The following YWHAZ variants were observed in gnomAD, a reference collection of about 807,000 sequenced individuals.
YWHAZ encodes the protein 14-3-3 protein zeta/delta.
For missense variants in YWHAZ, 79 were observed against 284.8 expected, an observed-to-expected ratio of 0.28 and a Z score of 5.20; for synonymous variants, 87 against 103.6, an observed-to-expected ratio of 0.84 and a Z score of 0.97.
At chr8:100,950,700 G>A in intron 1 of YWHAZ, 1 of 671,590 alleles carries the variant, frequency 1.5e-6, no homozygotes, top group Non-Finnish European at 1.8e-6. Flanking sequence ...CCGACCCCGG[G>A]GCAGAGACGC....
chr8:100,939,563 G>C (rs1814467997), intron 2 of YWHAZ, among the ~76,000 whole-genome samples: 2 of 152,034 alleles, frequency 1.3e-5, no homozygotes, highest in Non-Finnish European at 2.9e-5. Flanking sequence ...GGAGGCCGAG[G>C]CAGGAGAATC....
At position 100,948,502 on chromosome 8, in the gene YWHAZ, G is replaced by A. The variant is rs1272989103; in HGVS notation, c.294+94C>T. ...AATTTGGAACACACAATGTTTAGAA[G>A]GAAAAGAAAAACCAAACAAAAAGTT... On this transcript the variant is annotated intron_variant, in intron 2 of 5. Coordinates refer to ENST00000395958, the MANE Select transcript of YWHAZ (RefSeq NM_145690.3). This position sits in a 1 kb window ranked among gnomAD's most constrained non-coding sequence, Gnocchi z 4.2. 2.2e-6 allele frequency: 3 copies of A among 1,377,304 alleles called. No individual in the cohort carries two copies. In the African/African-American group the frequency reaches 4.3e-5, roughly 20 times the overall value. 85.3% of individuals were successfully genotyped at this position (1,377,304 alleles called of 1,614,324 possible).
chr8:100,923,564 C>G (rs1447473047), intron 5 of YWHAZ: 1 of 157,442 alleles, frequency 6.4e-6, no homozygotes, highest in Non-Finnish European at 1.4e-5. Flanking sequence ...TAGACTTCCA[C>G]TTGGATTCTG....
At chr8:100,952,217 G>A (rs1258287602), upstream of YWHAZ, 3 of 960,434 alleles carry the variant, frequency 3.1e-6, no homozygotes, top group Admixed American at 1.2e-4. Flanking sequence ...CCGCGCTGGA[G>A]GGCGAGCGGA....
intron 2 of YWHAZ, among the ~76,000 whole-genome samples, chr8:100,940,729 T>C (rs1256909413): frequency 1.3e-5 from 2 of 152,218 alleles, no homozygotes; most frequent in Admixed American, 6.5e-5. Flanking sequence ...CAAAACATCC[T>C]AGAGGTAGAT....
At chr8:100,933,206 A>G (rs1312908381) in intron 2 of YWHAZ, among the ~76,000 whole-genome samples, 1 of 152,100 alleles carries the variant, frequency 6.6e-6, no homozygotes, top group Non-Finnish European at 1.5e-5. Flanking sequence ...TAAAAATACA[A>G]AAATTAGCTG....
At chr8:100,943,038 T>C (rs1809988384) in intron 2 of YWHAZ, among the ~76,000 whole-genome samples, 1 of 152,210 alleles carries the variant, frequency 6.6e-6, no homozygotes, top group Non-Finnish European at 1.5e-5. Flanking sequence ...GAACCAATGA[T>C]ATGGGAAACA....
At chr8:100,952,118 G>T (rs1453409955), upstream of YWHAZ, 1 of 986,338 alleles carries the variant, frequency 1.0e-6, no homozygotes, top group African/African-American at 1.7e-5. Context: ...GCACGATGAC[G>T]TCAAACGCTG....
In YWHAZ at chr8:100,918,407, TTTA is replaced by T. The variant is rs1812797771; in HGVS notation, c.*2283_*2285del. On this transcript the variant is annotated 3_prime_UTR_variant, in exon 6 of 6. Coordinates refer to ENST00000395958, the MANE Select transcript of YWHAZ (RefSeq NM_145690.3). ...CAGTCTAGCTATAAAATATAATTAC[TTTA>T]TATATATATATATATATATATATAT... is the stretch of plus-strand genomic sequence containing the variant. 1 of 68,606 alleles carries T rather than the reference TTTA, an allele frequency of 1.5e-5. No individual in the cohort carries two copies. Among genetic ancestry groups the T allele is most frequent in the Non-Finnish European group, 2.7e-5 (1 of 36,924 alleles). The allele number at this position is 68,606 out of a possible 1,614,324, so 4.2% of individuals were successfully genotyped here. A position where few individuals can be genotyped will look rare whatever the true frequency, so the allele number is the denominator to read the frequency against.
At position 100,916,600 on chromosome 8, in the gene YWHAZ, G is replaced by A. The variant is rs1812725058; in HGVS notation, c.*4093C>T. 2.6e-5 allele frequency: 4 copies of A among 152,226 alleles called. No individual in the cohort carries two copies. Among genetic ancestry groups the A allele is most frequent in the Admixed American group, 2.6e-4 (4 of 15,282 alleles). The allele number at this position is 152,226 out of a possible 1,614,324, so 9.4% of individuals were successfully genotyped here. On this transcript the variant is annotated 3_prime_UTR_variant, in exon 6 of 6. Coordinates refer to ENST00000395958, the MANE Select transcript of YWHAZ (RefSeq NM_145690.3). ...ATAGGGTTTTAAATTCTAAAATTCG[G>A]AATACTAAGAAGTAATCAATTAAGA...
chr8:100,952,726 G>C (rs1810893411), upstream of YWHAZ: 1 of 946,778 alleles, frequency 1.1e-6, no homozygotes, highest in African/African-American at 1.8e-5. Context: ...GGGCGCGGTC[G>C]CACGGCAAGG....
rs1414384816 is a variant in YWHAZ, at chr8:100,917,778, A to G, written c.*2915T>C. The G allele has an allele frequency of 1.3e-5, 2 of 152,186 alleles. No individual in the cohort carries two copies. Among genetic ancestry groups the G allele is most frequent in the Admixed American group, 6.5e-5 (1 of 15,276 alleles). The allele number at this position is 152,186 out of a possible 1,614,324, so 9.4% of individuals were successfully genotyped here. The stretch of plus-strand genomic sequence containing the variant: ...ACACAAAAAGTCATTGGATTTTCCA[A>G]TTTCCTGGCACTAGGATGTTACATT... On this transcript the variant is annotated 3_prime_UTR_variant, in exon 6 of 6. Coordinates refer to ENST00000395958, the MANE Select transcript of YWHAZ (RefSeq NM_145690.3).
chr8:100,951,633 AG>A, intron 1 of YWHAZ: 5 of 985,034 alleles, frequency 5.1e-6, no homozygotes, highest in Non-Finnish European at 6.0e-6. Context: ...GGAGATCCCC[AG>A]GGATCTCGCG....
At chr8:100,947,596 T>G (rs1484318760) in intron 2 of YWHAZ, among the ~76,000 whole-genome samples, 1 of 152,216 alleles carries the variant, frequency 6.6e-6, no homozygotes, top group African/African-American at 2.4e-5. Flanking sequence ...AATGATAGTA[T>G]CATCACAACT....
At chr8:100,935,300 A>C (rs1814068308) in intron 2 of YWHAZ, among the ~76,000 whole-genome samples, 1 of 152,258 alleles carries the variant, frequency 6.6e-6, no homozygotes, top group African/African-American at 2.4e-5. Context: ...GCATAACTGT[A>C]ATAGCTTCAT....
intron 2 of YWHAZ, among the ~76,000 whole-genome samples, chr8:100,931,266 A>ACAGGT (rs1813742460): frequency 6.6e-6 from 1 of 152,218 alleles, no homozygotes; most frequent in South Asian, 2.1e-4. Flanking sequence ...ACATAAATTG[A>ACAGGT]CAGGTCATCT....
chr8:100,932,905 G>A (rs558442152), intron 2 of YWHAZ, among the ~76,000 whole-genome samples: 1 of 152,132 alleles, frequency 6.6e-6, no homozygotes, highest in Non-Finnish European at 1.5e-5. Context: ...GAAACAGTGA[G>A]TGCATAATGG....
chr8:100,952,735 G>C (rs900644525), upstream of YWHAZ: 49 of 965,370 alleles, frequency 5.1e-5, no homozygotes, highest in Middle Eastern at 5.3e-4. Flanking sequence ...CGCACGGCAA[G>C]GGAGGGTTGT....
At chr8:100,927,359 CA>C (rs1340282437) in intron 2 of YWHAZ, among the ~76,000 whole-genome samples, 3 of 151,988 alleles carry the variant, frequency 2.0e-5, no homozygotes, top group African/African-American at 7.3e-5. Flanking sequence ...CCTGCCTCTA[CA>C]AAAAAATTTA....
Sources: gnomAD v4.1 joint callset for allele counts (sites outside exome capture counted in the v4.1 genomes callset) on GRCh38, gnomAD v4.1.1 for gene constraint, Gnocchi (gnomAD v3.1) non-coding constraint, MANE v1.5 for transcripts, NCBI Gene and HGNC (gene_info 2026-07-23, HGNC 2026-07-21) for gene names.